The following TMEM272 variants were observed in gnomAD, a reference collection of about 807,000 sequenced individuals.
The protein encoded by TMEM272 is transmembrane protein 272.
In TMEM272, 8 loss-of-function variants were observed where a neutral mutation model predicts 3.7. The observed-to-expected ratio is 2.17, with a 90% CI of 1.27 to 3.91. The LOEUF (loss-of-function observed/expected upper bound fraction) is 3.91, where lower values mean the gene tolerates loss of function less well. Ranked by LOEUF, TMEM272 falls within the 30% of genes most tolerant of loss-of-function variation. TMEM272 has a pLI of 0.00. For synonymous variants in TMEM272, 63 were observed against 39.8 expected (o/e 1.58, Z -2.20); for missense variants, 166 against 91.5 (o/e 1.81, Z -3.32).
chr13:51,828,278 T>C (rs1956144753), intron 2 of TMEM272, among the ~76,000 whole-genome samples: 1 of 152,182 alleles, frequency 6.6e-6, no homozygotes. Flanking sequence ...GGTTTTGAAT[T>C]GTCAAAGATC....
chr13:51,825,416 T>C (rs575787455), intron 3 of TMEM272, among the ~76,000 whole-genome samples: 1 of 152,306 alleles, frequency 6.6e-6, no homozygotes, highest in South Asian at 2.1e-4. Context: ...TGGCATTTAG[T>C]GGATTCACAG....
At chr13:51,850,855 C>A in the TMEM272 span, among the ~76,000 whole-genome samples, 1 of 152,212 alleles carries the variant, frequency 6.6e-6, no homozygotes, top group South Asian at 2.1e-4. Flanking sequence ...TTCAAAGTAA[C>A]AGTACAGCAC....
the TMEM272 span, among the ~76,000 whole-genome samples, chr13:51,878,329 C>A: frequency 6.6e-6 from 1 of 152,176 alleles, no homozygotes; most frequent in Non-Finnish European, 1.5e-5. Context: ...ACTCAGGAGG[C>A]TGAGGCAGAA....
chr13:51,854,651 C>T, the TMEM272 span, among the ~76,000 whole-genome samples: 9 of 152,070 alleles, frequency 5.9e-5, no homozygotes, highest in African/African-American at 2.2e-4. Context: ...AGGCAAGTTT[C>T]TGAAATTCTC....
At chr13:51,873,675 C>T in the TMEM272 span, among the ~76,000 whole-genome samples, 1 of 152,148 alleles carries the variant, frequency 6.6e-6, no homozygotes. Flanking sequence ...GGATGTTCTT[C>T]CCTCAGCCTT....
chr13:51,905,233 GAA>G, the TMEM272 span, among the ~76,000 whole-genome samples: 1 of 150,564 alleles, frequency 6.6e-6, no homozygotes, highest in African/African-American at 2.4e-5. Context: ...CTCTTCCAGA[GAA>G]AAGAGCTGTC....
At chr13:51,903,962 T>C in the TMEM272 span, among the ~76,000 whole-genome samples, 2 of 151,848 alleles carry the variant, frequency 1.3e-5, no homozygotes, top group African/African-American at 4.8e-5. Context: ...TGTGTGTGTG[T>C]GTGTGTGTGT....
At chr13:51,875,326 T>C in the TMEM272 span, among the ~76,000 whole-genome samples, 11 of 152,190 alleles carry the variant, frequency 7.2e-5, no homozygotes, top group Middle Eastern at 3.2e-3. Context: ...GAACTCATTT[T>C]TTTTTTCAAC....
At chr13:51,906,140 G>A in the TMEM272 span, among the ~76,000 whole-genome samples, 1 of 152,208 alleles carries the variant, frequency 6.6e-6, no homozygotes, top group Non-Finnish European at 1.5e-5. Flanking sequence ...AGAGCAGCAT[G>A]CAGGGCTGGG....
chr13:51,873,897 C>A, the TMEM272 span, among the ~76,000 whole-genome samples: 1 of 152,192 alleles, frequency 6.6e-6, no homozygotes, highest in Non-Finnish European at 1.5e-5. Context: ...CTGCCCAGCA[C>A]CTTTGGAACA....
In TMEM272 at chr13:51,841,408, C is replaced by T. The variant is rs1054329615; in HGVS notation, c.-23-2855G>A. On this transcript the variant is annotated intron_variant, in intron 1 of 4. Coordinates refer to ENST00000629372, the MANE Select transcript of TMEM272 (RefSeq NM_001351003.2). Reference sequence around the variant, plus strand: ...TTGAAATGTGTTGAACGGTTTCTATCAGCGCCTACAAACTAAGACATTCCA... The same window carrying T: ...TTGAAATGTGTTGAACGGTTTCTATTAGCGCCTACAAACTAAGACATTCCA... Among the ~76,000 whole-genome samples, 4 of 152,334 alleles carry T rather than the reference C, an allele frequency of 2.6e-5. No individual in the cohort carries two copies. In the East Asian group the frequency reaches 7.7e-4, roughly 29 times the overall value.
chr13:51,928,762 C>A, the TMEM272 span, among the ~76,000 whole-genome samples: 1 of 152,294 alleles, frequency 6.6e-6, no homozygotes, highest in South Asian at 2.1e-4. Flanking sequence ...TAATCAACTG[C>A]TGAAGACAGA....
chr13:51,854,944 G>T, the TMEM272 span, among the ~76,000 whole-genome samples: 1 of 152,170 alleles, frequency 6.6e-6, no homozygotes, highest in East Asian at 1.9e-4. Context: ...TAGGTTGTTT[G>T]GGCAAAATAT....
the TMEM272 span, among the ~76,000 whole-genome samples, chr13:51,854,936 G>C: frequency 2.0e-5 from 3 of 152,166 alleles, no homozygotes; most frequent in South Asian, 2.1e-4. Context: ...AGGCTGACTA[G>C]GTTGTTTGGG....
intron 4 of TMEM272, among the ~76,000 whole-genome samples, chr13:51,818,934 A>G (rs916002262): frequency 3.3e-5 from 5 of 152,168 alleles, no homozygotes; most frequent in African/African-American, 1.2e-4. Flanking sequence ...AGAGAATGAG[A>G]AGGGCAGTGG....
At chr13:51,876,109 C>T in the TMEM272 span, among the ~76,000 whole-genome samples, 1 of 152,222 alleles carries the variant, frequency 6.6e-6, no homozygotes, top group African/African-American at 2.4e-5. Context: ...TGCAGCTCTC[C>T]TGGGGGTGTT....
chr13:51,838,331 G>A (rs1956233195), intron 2 of TMEM272, 142 bp downstream of exon 2: 1 of 668,888 alleles, frequency 1.5e-6, no homozygotes, highest in Non-Finnish European at 2.7e-6. Flanking sequence ...GCCGGACACT[G>A]TCTTCCCCAG....
the TMEM272 span, among the ~76,000 whole-genome samples, chr13:51,894,388 G>A: frequency 6.6e-6 from 1 of 152,142 alleles, no homozygotes. Context: ...GCCCTCCCAG[G>A]TAATAAAAAT....
chr13:51,915,086 G>A, the TMEM272 span, among the ~76,000 whole-genome samples: 15 of 152,230 alleles, frequency 9.9e-5, no homozygotes, highest in Admixed American at 2.6e-4. Flanking sequence ...GGAAAGTACC[G>A]CAAAAACAGT....
Sources: gnomAD v4.1 joint callset for allele counts (sites outside exome capture counted in the v4.1 genomes callset) on GRCh38, gnomAD v4.1.1 for gene constraint, MANE v1.5 for transcripts, NCBI Gene and HGNC (gene_info 2026-07-23, HGNC 2026-07-21) for gene names.